The following PWWP2A variants were observed in gnomAD, a reference collection of about 807,000 sequenced individuals.
PWWP2A encodes PWWP domain containing 2A.
Under a neutral mutation model 48.5 loss-of-function variants are expected in PWWP2A, and 18 were observed. That is an observed-to-expected ratio of 0.37 (90% CI 0.26 to 0.55). The LOEUF is 0.55. Among genes scored for constraint, PWWP2A ranks in the 20% least tolerant of loss-of-function variants. PWWP2A has a pLI of 0.81. For synonymous variants in PWWP2A, 396 were observed against 387.7 expected, an observed-to-expected ratio of 1.02 and a Z score of -0.25; for missense variants, 867 against 976.4, an observed-to-expected ratio of 0.89 and a Z score of 1.49.
the PWWP2A span, among the ~76,000 whole-genome samples, chr5:160,045,888 G>T: frequency 1.1e-4 from 16 of 151,926 alleles, no homozygotes; most frequent in African/African-American, 3.9e-4. Context: ...GACTACGGGC[G>T]CATGCCACCA....
rs1416112316 is a variant in PWWP2A, at chr5:160,092,021, TATATACAC to T, written c.*353_*360del. The T allele has an allele frequency of 1.7e-5, 8 of 468,262 alleles. 2 individuals are homozygous for T. Among genetic ancestry groups the T allele is most frequent in the African/African-American group, 1.6e-4 (7 of 44,102 alleles). The allele number at this position is 468,262 out of a possible 1,614,324, so 29.0% of individuals were successfully genotyped here. On this transcript the variant is annotated 3_prime_UTR_variant, in exon 2 of 2. Transcript: ENST00000307063. ...GTATATATACATACACGGATATATA[TATATACAC>T]ACACACACACGTATATATATGTATA... is the stretch of plus-strand genomic sequence containing the variant.
the PWWP2A span, among the ~76,000 whole-genome samples, chr5:160,049,196 G>C: frequency 2.0e-5 from 3 of 152,126 alleles, no homozygotes; most frequent in African/African-American, 7.2e-5. Context: ...AAAATTATGT[G>C]AACTTAAATT....
At chr5:160,047,590 C>G in the PWWP2A span, among the ~76,000 whole-genome samples, 3 of 152,210 alleles carry the variant, frequency 2.0e-5, no homozygotes, top group Admixed American at 2.0e-4. Flanking sequence ...AAATGTAAAT[C>G]AGAGTATGTC....
At chr5:160,058,304 AC>A (rs1253866721), downstream of PWWP2A, among the ~76,000 whole-genome samples, 2 of 151,514 alleles carry the variant, frequency 1.3e-5, no homozygotes, top group Non-Finnish European at 2.9e-5. Context: ...TGAAGTCTTC[AC>A]CCCCTCAAAG....
downstream of PWWP2A, among the ~76,000 whole-genome samples, chr5:160,088,988 T>C (rs1047098515): frequency 4.6e-5 from 7 of 152,210 alleles, no homozygotes; most frequent in East Asian, 1.3e-3. Context: ...AGTGAAGATA[T>C]ATTCATTTTG....
chr5:160,090,341 T>A, downstream of PWWP2A: 1 of 984,384 alleles, frequency 1.0e-6, no homozygotes, highest in Non-Finnish European at 1.2e-6. Flanking sequence ...TTTTGATGAC[T>A]TTTAAGTCTT....
At chr5:160,056,566 A>T in the PWWP2A span, among the ~76,000 whole-genome samples, 1 of 152,126 alleles carries the variant, frequency 6.6e-6, no homozygotes, top group Admixed American at 6.5e-5. Flanking sequence ...TCTACAAAAA[A>T]ATAAAAAATT....
In PWWP2A at chr5:160,091,569, A is replaced by G; in HGVS notation, c.*813T>C. 3.0e-6 allele frequency: 3 copies of G among 985,152 alleles called. No individual in the cohort carries two copies. Among genetic ancestry groups the G allele is most frequent in the Non-Finnish European group, 3.6e-6 (3 of 829,692 alleles). 61.0% of individuals were successfully genotyped at this position (985,152 alleles called of 1,614,324 possible). A position where few individuals can be genotyped will look rare whatever the true frequency, so the allele number is the denominator to read the frequency against. ...TTACTGGGACATATCCTAAGAATTT[A>G]GGAACAGCCAGTCAGGAGAAATCTG... On this transcript the variant is annotated 3_prime_UTR_variant, in exon 2 of 2. Transcript: ENST00000307063.
chr5:160,083,667 G>A (rs1177981463), intron 2 of PWWP2A, among the ~76,000 whole-genome samples: 1 of 152,186 alleles, frequency 6.6e-6, no homozygotes, highest in South Asian at 2.1e-4. Context: ...TATGTGTCAT[G>A]GAAAGGGTTC....
chr5:160,093,607 T>C lies in PWWP2A; in HGVS notation c.1043A>G (p.Tyr348Cys), dbSNP rs1755310296. ...TTCATTTCTCCGTTTTTTATCTTCA[T>C]ATTTAGAAGAGTCAGTTGCACTACT... ...KGSSATDSSK[Y>C]EDKKRRNESV... Residue 348 changes from tyrosine (Y) to cysteine (C), a missense_variant, in exon 2 of 2, where the codon TAT (tyrosine) becomes TGT (cysteine). Physicochemically the swap from Tyr to Cys is radical, Grantham distance 194. Transcript: ENST00000307063. The surrounding 1 kb of genome is among the most constrained non-coding windows in gnomAD (Gnocchi z 5.8). 1 of 1,613,698 alleles carries C rather than the reference T, an allele frequency of 6.2e-7. No individual in the cohort carries two copies. Among genetic ancestry groups the C allele is most frequent in the African/African-American group, 1.3e-5 (1 of 74,884 alleles).
chr5:160,064,780 C>T (rs1384547617), intron 4 of PWWP2A: 1 of 829,168 alleles, frequency 1.2e-6, no homozygotes, highest in African/African-American at 1.7e-5. Context: ...GGGAACTCTC[C>T]TGGAAGCTTT....
intron 1 of PWWP2A, chr5:160,116,576 A>T: frequency 2.2e-5 from 14 of 623,152 alleles, no homozygotes; most frequent in Non-Finnish European, 2.8e-5. Context: ...GTTTCTAAGC[A>T]CTGATAGCAT....
chr5:160,058,836 C>T (rs952931382), downstream of PWWP2A, among the ~76,000 whole-genome samples: 1 of 152,168 alleles, frequency 6.6e-6, no homozygotes, highest in Non-Finnish European at 1.5e-5. Context: ...CATCTCAGAG[C>T]TCCTCAGTGA....
At chr5:160,071,786 C>T (rs1373568531), downstream of PWWP2A, among the ~76,000 whole-genome samples, 1 of 152,196 alleles carries the variant, frequency 6.6e-6, no homozygotes, top group Non-Finnish European at 1.5e-5. Context: ...CTGATGGTCG[C>T]TGCCAGCTGG....
chr5:160,058,471 T>C (rs1341574075), downstream of PWWP2A, among the ~76,000 whole-genome samples: 2 of 148,522 alleles, frequency 1.3e-5, no homozygotes, highest in African/African-American at 5.0e-5. Context: ...AGTGCAGTGG[T>C]GCGATCTCGG....
intron 1 of PWWP2A, among the ~76,000 whole-genome samples, chr5:160,099,730 C>T (rs1310654001): frequency 6.6e-6 from 1 of 150,498 alleles, no homozygotes; most frequent in South Asian, 2.1e-4. Flanking sequence ...CAGGCTAGAG[C>T]GCAGTGGCCT....
chr5:160,045,838 G>C, the PWWP2A span, among the ~76,000 whole-genome samples: 20 of 152,124 alleles, frequency 1.3e-4, no homozygotes, highest in African/African-American at 4.6e-4. Flanking sequence ...TGCCTCCCAG[G>C]TTCAAGCGAC....
At position 160,109,775 on chromosome 5, in the gene PWWP2A, ATATATATATAT is replaced by A. The variant is rs1254187750; in HGVS notation, c.584+9019_584+9029del. ...CAACTGGGAAAAAAAAAAAAAAAAAATATATATATATATATATATATATATATATATATAAA... is the reference window on the plus strand; with the variant it reads ...CAACTGGGAAAAAAAAAAAAAAAAAAATATATATATATATATATATATAAA... On this transcript the variant is annotated intron_variant, in intron 1 of 1. Coordinates refer to ENST00000307063, the MANE Select transcript of PWWP2A (RefSeq NM_001130864.2). Among the ~76,000 whole-genome samples, 71 of 27,830 alleles carry A rather than the reference ATATATATATAT, an allele frequency of 2.6e-3. 1 individual carries two copies. Among genetic ancestry groups the A allele is most frequent in the Non-Finnish European group, 4.1e-3 (62 of 14,972 alleles). The allele number at this position is 27,830 out of a possible 152,430, so 18.3% of individuals were successfully genotyped here.
At chr5:160,053,779 A>AG in the PWWP2A span, among the ~76,000 whole-genome samples, 1 of 152,182 alleles carries the variant, frequency 6.6e-6, no homozygotes, top group South Asian at 2.1e-4. Flanking sequence ...GTTTTTATTT[A>AG]GATGTGTTCA....
Sources: gnomAD v4.1 joint callset for allele counts (sites outside exome capture counted in the v4.1 genomes callset) on GRCh38, gnomAD v4.1.1 for gene constraint, Gnocchi (gnomAD v3.1) non-coding constraint, MANE v1.5 for transcripts, NCBI Gene and HGNC (gene_info 2026-07-23, HGNC 2026-07-21) for gene names.